Variants in CFAP299 observed in about 807,000 individuals in gnomAD.
CFAP299 encodes cilia and flagella associated protein 299.
In CFAP299, 21 loss-of-function variants were observed where a neutral mutation model predicts 27.0. The ratio of observed to expected loss-of-function variants is 0.78; its 90% CI spans 0.55 to 1.12. The LOEUF (loss-of-function observed/expected upper bound fraction) is 1.12. Ranked by LOEUF, CFAP299 falls within the 50% of genes most tolerant of loss-of-function variation. The probability of loss-of-function intolerance (pLI) is 0.00; values close to 1 mark genes in which losing one functional copy is unlikely to be tolerated. For synonymous variants in CFAP299, 104 were observed against 98.1 expected (o/e 1.06, Z -0.36); for missense variants, 310 against 276.6 (o/e 1.12, Z -0.86).
chr4:80,939,973 G>A (rs1737108415), intron 4 of CFAP299, among the ~76,000 whole-genome samples: 1 of 152,250 alleles, frequency 6.6e-6, no homozygotes, highest in Non-Finnish European at 1.5e-5. Context: ...GCAATGCCCT[G>A]AAGTATTTAA....
intron 1 of CFAP299, among the ~76,000 whole-genome samples, chr4:80,351,049 A>G (rs903547769): frequency 2.6e-5 from 4 of 152,242 alleles, no homozygotes; most frequent in African/African-American, 9.6e-5. Flanking sequence ...AGAACACTGT[A>G]TCAGAAGAAA....
At chr4:80,523,686 A>G (rs896969990) in intron 2 of CFAP299, among the ~76,000 whole-genome samples, 1 of 152,176 alleles carries the variant, frequency 6.6e-6, no homozygotes, top group African/African-American at 2.4e-5. Flanking sequence ...GCCTTCAAAT[A>G]TTAACATCCG....
chr4:80,412,178 A>G (rs555343299), intron 2 of CFAP299, among the ~76,000 whole-genome samples: 1 of 151,968 alleles, frequency 6.6e-6, no homozygotes, highest in African/African-American at 2.4e-5. Context: ...TCTGTTGGAG[A>G]CCACTTGCCT....
intron 3 of CFAP299, among the ~76,000 whole-genome samples, chr4:80,659,162 T>G (rs1440571978): frequency 6.6e-6 from 1 of 152,094 alleles, no homozygotes; most frequent in African/African-American, 2.4e-5. Flanking sequence ...ATATTAATAC[T>G]GGGCAGTTAA....
At chr4:80,692,563 T>C (rs1720792301) in intron 3 of CFAP299, among the ~76,000 whole-genome samples, 1 of 152,116 alleles carries the variant, frequency 6.6e-6, no homozygotes, top group African/African-American at 2.4e-5. Context: ...ATTAAAGACT[T>C]AAACGTTAGA....
At chr4:80,571,193 T>C (rs1735564260) in intron 2 of CFAP299, among the ~76,000 whole-genome samples, 1 of 152,130 alleles carries the variant, frequency 6.6e-6, no homozygotes, top group South Asian at 2.1e-4. Context: ...CAGCGGCTTC[T>C]ATCTAAAGTA....
intron 3 of CFAP299, among the ~76,000 whole-genome samples, chr4:80,859,597 G>T (rs1028436045): frequency 1.3e-5 from 2 of 151,846 alleles, no homozygotes; most frequent in Admixed American, 1.3e-4. Context: ...CTCTTTTAGG[G>T]CAGGCCTGGT....
intron 4 of CFAP299, among the ~76,000 whole-genome samples, chr4:80,890,436 A>G (rs1353874269): frequency 1.3e-5 from 2 of 152,202 alleles, no homozygotes; most frequent in African/African-American, 4.8e-5. Context: ...TGAAACATCT[A>G]TACAATGAAA....
intron 3 of CFAP299, among the ~76,000 whole-genome samples, chr4:80,710,801 T>C (rs973133165): frequency 6.6e-6 from 1 of 152,084 alleles, no homozygotes; most frequent in African/African-American, 2.4e-5. Flanking sequence ...GTACACATAA[T>C]GATACAATGA....
intron 2 of CFAP299, among the ~76,000 whole-genome samples, chr4:80,396,721 G>C (rs1021157166): frequency 1.3e-5 from 2 of 152,276 alleles, no homozygotes; most frequent in South Asian, 4.1e-4. Flanking sequence ...GCATCCCAGG[G>C]ATGAAGCCCA....
At chr4:80,550,784 C>T (rs899397668) in intron 2 of CFAP299, among the ~76,000 whole-genome samples, 13 of 150,848 alleles carry the variant, frequency 8.6e-5, no homozygotes, top group African/African-American at 1.7e-4. Context: ...CACACACACA[C>T]GCACACACAC....
At chr4:80,344,850 T>C (rs1239564462) in intron 1 of CFAP299, among the ~76,000 whole-genome samples, 1 of 152,204 alleles carries the variant, frequency 6.6e-6, no homozygotes, top group African/African-American at 2.4e-5. Flanking sequence ...GGCAAATTAA[T>C]AGATGTAATT....
At chr4:80,652,194 A>C (rs556591995) in intron 3 of CFAP299, among the ~76,000 whole-genome samples, 2 of 152,232 alleles carry the variant, frequency 1.3e-5, no homozygotes, top group South Asian at 4.1e-4. Context: ...TGGTTGTAGA[A>C]CTTTAATGTT....
chr4:80,914,178 G>T (rs2110205850), intron 4 of CFAP299, among the ~76,000 whole-genome samples: 1 of 152,222 alleles, frequency 6.6e-6, no homozygotes, highest in African/African-American at 2.4e-5. Context: ...GTAGACAAAG[G>T]TTTTTATTTT....
At chr4:80,466,430 A>G (rs1729700937) in intron 2 of CFAP299, among the ~76,000 whole-genome samples, 1 of 152,214 alleles carries the variant, frequency 6.6e-6, no homozygotes, top group African/African-American at 2.4e-5. Flanking sequence ...AAGAGTTATG[A>G]AGGTTTCCCT....
intron 3 of CFAP299, among the ~76,000 whole-genome samples, chr4:80,836,019 G>A (rs143105937): frequency 1.3e-3 from 201 of 152,014 alleles, no homozygotes; most frequent in African/African-American, 4.3e-3. Context: ...TTACTTTTCC[G>A]TTGAAGATAC....
intron 2 of CFAP299, among the ~76,000 whole-genome samples, chr4:80,404,262 A>G (rs1301306833): frequency 6.6e-6 from 1 of 151,938 alleles, no homozygotes; most frequent in African/African-American, 2.4e-5. Context: ...TATAATTCCT[A>G]TTTTTTATTT....
intron 3 of CFAP299, chr4:80,608,281 G>A (rs1737780276): frequency 8.2e-7 from 1 of 1,216,574 alleles, no homozygotes; most frequent in Non-Finnish European, 1.2e-6. Context: ...TAGGAGATTT[G>A]TTAACATGTG....
chr4:80,957,307 G>C (rs1269513193), intron 5 of CFAP299, among the ~76,000 whole-genome samples: 3 of 152,182 alleles, frequency 2.0e-5, no homozygotes, highest in African/African-American at 7.2e-5. Flanking sequence ...TGAAGGAAGA[G>C]CTTTCTAAGT....
Sources: gnomAD v4.1 joint callset for allele counts (sites outside exome capture counted in the v4.1 genomes callset) on GRCh38, gnomAD v4.1.1 for gene constraint, MANE v1.5 for transcripts, NCBI Gene and HGNC (gene_info 2026-07-23, HGNC 2026-07-21) for gene names.